CDH18: variants seen among roughly 807,000 people sequenced by gnomAD.
CDH18 encodes cadherin-18.
In CDH18, 31 loss-of-function variants were observed where a neutral mutation model predicts 67.9. The observed-to-expected ratio is 0.46, with a 90% confidence interval of 0.34 to 0.62. CDH18 has a LOEUF of 0.62. Among genes scored for constraint, CDH18 ranks in the 20% least tolerant of loss-of-function variants. The pLI, the probability that CDH18 is intolerant of heterozygous loss-of-function variation, is 0.01. For synonymous variants in CDH18, 362 were observed against 347.2 expected (o/e 1.04, Z -0.48); for missense variants, 890 against 975.5 (o/e 0.91, Z 1.17).
At chr5:20,342,932 G>C (rs1374650081) in intron 1 of CDH18, among the ~76,000 whole-genome samples, 4 of 152,072 alleles carry the variant, frequency 2.6e-5, no homozygotes, top group Admixed American at 6.6e-5. Flanking sequence ...CAGCTGGGAG[G>C]GTCCAGAAGA....
At chr5:20,154,712 T>C (rs1043350601) in intron 2 of CDH18, among the ~76,000 whole-genome samples, 3 of 152,174 alleles carry the variant, frequency 2.0e-5, no homozygotes. Context: ...TCTGCCAGAA[T>C]GATCTTGTTA....
intron 1 of CDH18, among the ~76,000 whole-genome samples, chr5:20,415,383 C>T (rs1260331872): frequency 6.6e-6 from 1 of 151,562 alleles, no homozygotes; most frequent in Non-Finnish European, 1.5e-5. Flanking sequence ...AAATTAAAAC[C>T]AGATGAATGA....
chr5:20,335,607 C>A (rs1220590580), intron 1 of CDH18, among the ~76,000 whole-genome samples: 1 of 152,152 alleles, frequency 6.6e-6, no homozygotes, highest in African/African-American at 2.4e-5. Flanking sequence ...TTTTTCTTAT[C>A]AGCATCTGAA....
intron 5 of CDH18, among the ~76,000 whole-genome samples, chr5:19,666,358 T>A (rs1329846694): frequency 6.6e-6 from 1 of 151,212 alleles, no homozygotes; most frequent in African/African-American, 2.4e-5. Flanking sequence ...TCCTCCTGCT[T>A]TGGCCTTCCA....
chr5:19,846,531 G>T (rs1007692987), intron 2 of CDH18, among the ~76,000 whole-genome samples: 6 of 151,994 alleles, frequency 3.9e-5, no homozygotes, highest in African/African-American at 1.2e-4. Context: ...TAACTATAAA[G>T]TTCTATTTAT....
chr5:19,634,735 C>A (rs139083686), intron 5 of CDH18, among the ~76,000 whole-genome samples: 1 of 151,672 alleles, frequency 6.6e-6, no homozygotes, highest in African/African-American at 2.4e-5. Context: ...GTTGGGAGTT[C>A]GAGACCACCT....
chr5:19,909,353 G>A (rs183695225), intron 2 of CDH18, among the ~76,000 whole-genome samples: 3 of 147,652 alleles, frequency 2.0e-5, no homozygotes. Flanking sequence ...TGCCTGGAGT[G>A]TAGTGGTGTG....
chr5:19,943,295 T>C (rs916650872), intron 2 of CDH18, among the ~76,000 whole-genome samples: 1 of 152,148 alleles, frequency 6.6e-6, no homozygotes, highest in African/African-American at 2.4e-5. Flanking sequence ...TGTGGTCTCT[T>C]GAATCTAAAT....
intron 2 of CDH18, among the ~76,000 whole-genome samples, chr5:20,090,312 G>A (rs1745308508): frequency 6.6e-6 from 1 of 152,048 alleles, no homozygotes; most frequent in Non-Finnish European, 1.5e-5. Flanking sequence ...CAAGGTGGGC[G>A]AATCACCGGT....
intron 1 of CDH18, among the ~76,000 whole-genome samples, chr5:20,475,210 T>C (rs1752354495): frequency 6.6e-6 from 1 of 152,184 alleles, no homozygotes; most frequent in African/African-American, 2.4e-5. Flanking sequence ...TATTTTCATA[T>C]TGTAGTTTTT....
chr5:20,421,770 A>G (rs909807453), intron 1 of CDH18, among the ~76,000 whole-genome samples: 17 of 150,798 alleles, frequency 1.1e-4, no homozygotes, highest in Admixed American at 6.6e-5. Context: ...AAATAATGAA[A>G]TAGGCTGAAT....
chr5:19,973,903 G>C (rs947054751), intron 2 of CDH18, among the ~76,000 whole-genome samples: 1 of 152,180 alleles, frequency 6.6e-6, no homozygotes. Context: ...TTTTGAAAGA[G>C]AGGAACAACA....
chr5:19,705,828 C>T (rs1763876420), intron 5 of CDH18, among the ~76,000 whole-genome samples: 1 of 152,110 alleles, frequency 6.6e-6, no homozygotes, highest in Admixed American at 6.6e-5. Context: ...CTTGGCAAAC[C>T]CATTTAGCTG....
rs150989071 is a variant in CDH18, at chr5:19,571,795, T to C, written c.1037A>G (p.Asn346Ser). Residue 346 changes from asparagine to serine, a missense_variant, in exon 8 of 13, where the codon AAC (asparagine) becomes AGC (serine). Around this residue, in one of 2 missense-constraint regions of CDH18, gnomAD observed 656 missense variants for 668.1 expected, o/e 0.98. Coordinates refer to ENST00000382275, the MANE Select transcript of CDH18 (RefSeq NM_004934.5). Reference sequence around the variant, plus strand: ...AAGATGTGTATTTGCTCCTTCTATGTTGAGGGTATATGACTTCTTTTTCTC... The same window carrying C: ...AAGATGTGTATTTGCTCCTTCTATGCTGAGGGTATATGACTTCTTTTTCTC... ...NYEKKKSYTL[N>S]IEGANTHLDF... 6.2e-7 allele frequency: 1 copy of C among 1,613,616 alleles called. No homozygotes were observed. The highest frequency in any genetic ancestry group is 1.1e-5 in the South Asian group (1 of 91,064).
intron 3 of CDH18, among the ~76,000 whole-genome samples, chr5:19,813,014 A>G (rs935276353): frequency 2.6e-5 from 4 of 152,160 alleles, no homozygotes; most frequent in Non-Finnish European, 1.5e-5. Flanking sequence ...GCTGGAAACC[A>G]TCATTCTCAG....
intron 1 of CDH18, among the ~76,000 whole-genome samples, chr5:20,515,910 C>G (rs1357569074): frequency 1.3e-5 from 2 of 152,024 alleles, no homozygotes; most frequent in Non-Finnish European, 2.9e-5. Flanking sequence ...AGTTGCTTGA[C>G]TAATTGATTG....
intron 3 of CDH18, among the ~76,000 whole-genome samples, chr5:19,804,854 T>C (rs760295036): frequency 3.3e-5 from 5 of 152,174 alleles, no homozygotes; most frequent in African/African-American, 4.8e-5. Context: ...TATTCTTGAA[T>C]ATGGCTCAGC....
At chr5:20,205,818 C>A (rs939656774) in intron 2 of CDH18, among the ~76,000 whole-genome samples, 2 of 151,572 alleles carry the variant, frequency 1.3e-5, no homozygotes, top group African/African-American at 4.8e-5. Flanking sequence ...AATGTAAATA[C>A]AACACCGCAA....
At chr5:19,851,434 C>CAAAAAAAAAAAA (rs1561441335) in intron 2 of CDH18, among the ~76,000 whole-genome samples, 3 of 144,908 alleles carry the variant, frequency 2.1e-5, no homozygotes, top group Non-Finnish European at 4.5e-5. Context: ...AAAAAAAAAA[C>CAAAAAAAAAAAA]AAACCCAAAA....
Sources: allele counts gnomAD v4.1 joint callset (sites outside exome capture counted in the v4.1 genomes callset), GRCh38; gene constraint gnomAD v4.1.1; regional missense constraint gnomAD v4.1.1; transcripts MANE v1.5; gene names NCBI Gene and HGNC (gene_info 2026-07-23, HGNC 2026-07-21).